Variants in TBC1D32 observed in about 807,000 individuals in gnomAD.
TBC1D32 encodes protein broad-minded.
A neutral mutation model predicts 170.3 loss-of-function variants in TBC1D32; 151 were observed. The observed-to-expected ratio is 0.89, with a 90% CI of 0.78 to 1.01. The LOEUF is 1.01. Ranked by LOEUF, TBC1D32 falls within the 50% of genes least tolerant of loss-of-function variation. The pLI, the probability that TBC1D32 is intolerant of heterozygous loss-of-function variation, is 0.00. For missense variants in TBC1D32, 1,464 were observed against 1,457.1 expected (o/e 1.00, Z -0.08); for synonymous variants, 498 against 488.0 (o/e 1.02, Z -0.27).
chr6:121,278,847 C>T (rs138652364), intron 15 of TBC1D32, among the ~76,000 whole-genome samples: 84 of 152,060 alleles, frequency 5.5e-4, no homozygotes, highest in African/African-American at 1.9e-3. Flanking sequence ...AAATAGCTAG[C>T]TTCTTTGCAC....
chr6:121,128,421 G>T (rs888021085), intron 25 of TBC1D32, among the ~76,000 whole-genome samples: 1 of 152,048 alleles, frequency 6.6e-6, no homozygotes, highest in South Asian at 2.1e-4. Context: ...ATGACCAACA[G>T]CCTCACTGTC....
At chr6:121,322,918 T>C (rs899982180) in intron 1 of TBC1D32, among the ~76,000 whole-genome samples, 2 of 152,182 alleles carry the variant, frequency 1.3e-5, no homozygotes, top group African/African-American at 4.8e-5. Flanking sequence ...TCTGATGACA[T>C]TATGCTATAA....
chr6:121,264,346 G>T (rs1800168597), intron 15 of TBC1D32, among the ~76,000 whole-genome samples: 1 of 151,900 alleles, frequency 6.6e-6, no homozygotes, highest in Non-Finnish European at 1.5e-5. Context: ...TAAATTCCTG[G>T]ACACATAAAC....
chr6:121,150,858 A>G (rs1784121086), intron 24 of TBC1D32, among the ~76,000 whole-genome samples: 1 of 148,742 alleles, frequency 6.7e-6, no homozygotes, highest in Non-Finnish European at 1.5e-5. Flanking sequence ...TATCCCCTTT[A>G]TCATTTTTTA....
At chr6:121,086,869 A>G (rs890956296) in intron 31 of TBC1D32, among the ~76,000 whole-genome samples, 3 of 152,222 alleles carry the variant, frequency 2.0e-5, no homozygotes, top group African/African-American at 7.2e-5. Flanking sequence ...GTGTGTGTGT[A>G]TGCGCGCTAC....
chr6:121,283,534 T>G (rs1803345618), intron 13 of TBC1D32, among the ~76,000 whole-genome samples: 1 of 151,822 alleles, frequency 6.6e-6, no homozygotes, highest in Non-Finnish European at 1.5e-5. Flanking sequence ...TCCCCCAGTA[T>G]CATGTCTTGA....
intron 29 of TBC1D32, 77 bp downstream of exon 29, chr6:121,112,428 A>G: frequency 2.3e-6 from 3 of 1,321,934 alleles, no homozygotes; most frequent in Non-Finnish European, 3.0e-6. Flanking sequence ...TTCACAAATA[A>G]AATTATGCCC....
intron 22 of TBC1D32, among the ~76,000 whole-genome samples, chr6:121,200,710 G>C (rs1791433658): frequency 6.6e-6 from 1 of 151,504 alleles, no homozygotes; most frequent in Non-Finnish European, 1.5e-5. Context: ...AAGGCAAGAG[G>C]CATGCAAAGA....
chr6:121,146,122 T>C (rs1304996261), intron 24 of TBC1D32, among the ~76,000 whole-genome samples: 1 of 152,226 alleles, frequency 6.6e-6, no homozygotes, highest in Non-Finnish European at 1.5e-5. Context: ...AAAAATCAAC[T>C]GTATTAGGGT....
intron 20 of TBC1D32, among the ~76,000 whole-genome samples, chr6:121,232,491 G>T (rs1169853305): frequency 6.6e-6 from 1 of 152,026 alleles, no homozygotes; most frequent in East Asian, 1.9e-4. Flanking sequence ...GAATTGCATT[G>T]AATCTGTAAA....
chr6:121,315,076 G>A (rs149763398), intron 3 of TBC1D32, among the ~76,000 whole-genome samples: 1,988 of 152,280 alleles, frequency 0.013, 15 homozygotes, highest in Non-Finnish European at 0.02. Flanking sequence ...GCTGGTAAGC[G>A]GTGGAACCAT....
intron 3 of TBC1D32, among the ~76,000 whole-genome samples, chr6:121,315,226 A>T (rs76733831): frequency 0.052 from 7,865 of 152,248 alleles, 400 homozygotes; most frequent in East Asian, 0.12. Context: ...ACTATTATTA[A>T]AAGGCTCACT....
intron 9 of TBC1D32, among the ~76,000 whole-genome samples, chr6:121,303,395 G>A (rs141503144): frequency 5.9e-4 from 89 of 152,102 alleles, no homozygotes; most frequent in African/African-American, 1.9e-3. Context: ...CACTTAATAG[G>A]TGAAAAATCT....
At position 121,256,104 on chromosome 6, in the gene TBC1D32, TA is replaced by T. The variant is rs1260117134; in HGVS notation, c.1914del (p.Ile639Ter). ...QVLITYNLHE[S>X]IAKAWKKTSL... ...CTTACCTTTTTCCATGCCTTTGCTATAGATTCATGCAAATTATAAGTGATTA... is the reference window on the plus strand; with the variant it reads ...CTTACCTTTTTCCATGCCTTTGCTATGATTCATGCAAATTATAAGTGATTA... On this transcript the variant is annotated frameshift_variant, in exon 16 of 32. Transcript: ENST00000398212. LOFTEE classifies it high-confidence loss of function. 6.2e-7 allele frequency: 1 copy of T among 1,612,494 alleles called. No homozygotes were observed. The highest frequency in any genetic ancestry group is 2.2e-5 in the East Asian group (1 of 44,852).
chr6:121,170,924 T>C (rs1786890638), intron 22 of TBC1D32, among the ~76,000 whole-genome samples: 1 of 152,052 alleles, frequency 6.6e-6, no homozygotes, highest in African/African-American at 2.4e-5. Context: ...TTGCTGCCAA[T>C]CTAGAAAATG....
intron 21 of TBC1D32, among the ~76,000 whole-genome samples, chr6:121,215,057 A>G (rs1165293310): frequency 6.6e-6 from 1 of 152,138 alleles, no homozygotes; most frequent in African/African-American, 2.4e-5. Context: ...CTCAGCAGAG[A>G]GGAGATGCAC....
At chr6:121,136,966 G>C (rs1782162296) in intron 24 of TBC1D32, among the ~76,000 whole-genome samples, 1 of 151,974 alleles carries the variant, frequency 6.6e-6, no homozygotes, top group African/African-American at 2.4e-5. Flanking sequence ...AACTCACTAA[G>C]ATTTAATTAA....
At position 121,279,835 on chromosome 6, in the gene TBC1D32, G is replaced by A. The variant is rs76235112; in HGVS notation, c.1609-590C>T. The stretch of plus-strand genomic sequence containing the variant: ...ACCTTTGCCAATATATTACAAAGCA[G>A]CACAAAGCACATACTGAAAACCAGA... On this transcript the variant is annotated intron_variant, in intron 14 of 31. Coordinates refer to ENST00000398212, the MANE Select transcript of TBC1D32 (RefSeq NM_152730.6). Among the ~76,000 whole-genome samples the A allele has an allele frequency of 5.2e-3, 790 of 152,082 alleles. 10 individuals carry two copies. Among genetic ancestry groups the A allele is most frequent in the African/African-American group, 0.018 (767 of 41,544 alleles).
At chr6:121,267,267 C>T (rs1800657291) in intron 15 of TBC1D32, among the ~76,000 whole-genome samples, 1 of 152,086 alleles carries the variant, frequency 6.6e-6, no homozygotes, top group African/African-American at 2.4e-5. Context: ...CTCACTGGGG[C>T]TTGTCGTACA....
Sources: allele counts gnomAD v4.1 joint callset (sites outside exome capture counted in the v4.1 genomes callset), GRCh38; gene constraint gnomAD v4.1.1; transcripts MANE v1.5; gene names NCBI Gene and HGNC (gene_info 2026-07-23, HGNC 2026-07-21).